The following CTNNAL1 variants were observed in gnomAD, a reference collection of about 807,000 sequenced individuals.
CTNNAL1 encodes alpha-catulin.
In CTNNAL1, 69 loss-of-function variants were observed where a neutral mutation model predicts 93.6. The ratio of observed to expected loss-of-function variants is 0.74; its 90% CI spans 0.61 to 0.90. CTNNAL1 has a LOEUF of 0.90. Ranked by LOEUF, CTNNAL1 falls within the 40% of genes least tolerant of loss-of-function variation. The probability of loss-of-function intolerance (pLI) is 0.00; values close to 1 mark genes in which losing one functional copy is unlikely to be tolerated. For missense variants in CTNNAL1, 836 were observed against 862.0 expected (o/e 0.97, Z 0.38); for synonymous variants, 286 against 305.4 (o/e 0.94, Z 0.66).
Position 108,948,206 on chromosome 9 carries a change from C to T in CTNNAL1, c.1864G>A (p.Asp622Asn). ...RGEGPLKTSQ[D>N]LIHQLEVFAA... Reference sequence around the variant, plus strand: ...CATACCTCTAGTTGATGAATTAAATCCTGGGAAGTTTTCAGTGGCCCCTCT... The same window carrying T: ...CATACCTCTAGTTGATGAATTAAATTCTGGGAAGTTTTCAGTGGCCCCTCT... The change falls in exon 15 of 19, where the codon GAT becomes AAT. Residue 622 changes from aspartate to asparagine, a missense_variant. Coordinates refer to ENST00000325551, the MANE Select transcript of CTNNAL1 (RefSeq NM_003798.4). 2 of 1,611,926 alleles carry T rather than the reference C, an allele frequency of 1.2e-6. No individual in the cohort carries two copies. The highest frequency in any genetic ancestry group is 1.7e-6 in the Non-Finnish European group (2 of 1,179,426).
Position 108,984,390 on chromosome 9 carries a change from G to GC in CTNNAL1, c.685dup (p.Ala229GlyfsTer4). 1 of 1,612,206 alleles carries GC rather than the reference G, an allele frequency of 6.2e-7. No individual in the cohort carries two copies. ...CATCATTGTACACTTTTCAAGAACT[G>GC]CCCTAGCTGCTGCCATTTTTGCCTT... On this transcript the variant is annotated frameshift_variant, in exon 5 of 19. Coordinates refer to ENST00000325551, the MANE Select transcript of CTNNAL1 (RefSeq NM_003798.4). LOFTEE classifies it high-confidence loss of function.
chr9:108,991,886 G>T, intron 3 of CTNNAL1: 1 of 591,570 alleles, frequency 1.7e-6, no homozygotes. Flanking sequence ...ATTCCCAGAT[G>T]ATCATGGAGC....
In CTNNAL1 at chr9:108,952,652, TAGTA is replaced by T. The variant is rs1308569598; in HGVS notation, c.1630-162_1630-159del. 4.6e-5 allele frequency among the ~76,000 whole-genome samples: 7 copies of T among 152,342 alleles called. No homozygotes were observed. In the East Asian group the frequency reaches 1.3e-3, roughly 29 times the overall value. ...ATTTTACCAATTGCAAGTACTCTAC[TAGTA>T]AGTGAGTTCAGCTTTGAATAGGTTG... On this transcript the variant is annotated intron_variant, in intron 12 of 18. Coordinates refer to ENST00000325551, the MANE Select transcript of CTNNAL1 (RefSeq NM_003798.4).
At chr9:108,979,590 C>T (rs1246270435) in intron 6 of CTNNAL1, 109 bp from the exon 7 acceptor site, 3 of 1,025,412 alleles carry the variant, frequency 2.9e-6, no homozygotes, top group Non-Finnish European at 4.3e-6. Flanking sequence ...ATTTCCTTTT[C>T]CCAAGCTGAG....
chr9:108,961,922 A>C (rs2132112870), intron 11 of CTNNAL1, among the ~76,000 whole-genome samples: 1 of 152,298 alleles, frequency 6.6e-6, no homozygotes, highest in Non-Finnish European at 1.5e-5. Context: ...TTTCTGAAAT[A>C]GCTTTGGGAG....
At chr9:109,004,844 T>C (rs1010572048) in intron 1 of CTNNAL1, among the ~76,000 whole-genome samples, 1 of 152,076 alleles carries the variant, frequency 6.6e-6, no homozygotes, top group African/African-American at 2.4e-5. Flanking sequence ...ATGAAAGCAT[T>C]ATGTTTAACA....
In CTNNAL1 at chr9:108,979,294, A is replaced by G. The variant is rs762219706; in HGVS notation, c.1088T>C (p.Val363Ala). The part of the protein sequence containing the change: ...ARMELQQLIS[V>A]WIQAQSKKTK... ...AAAAGTTCTTACAGCTTGAATCCAC[A>G]CAGAAATTAACTGCTGCAGTTCCAT... Residue 363 changes from valine to alanine, a missense_variant, in exon 7 of 19, where the codon GTG (valine) becomes GCG (alanine). Physicochemically the swap from Val to Ala is moderately conservative, Grantham distance 64. Coordinates refer to ENST00000325551, the MANE Select transcript of CTNNAL1 (RefSeq NM_003798.4). 6.8e-6 allele frequency: 11 copies of G among 1,614,118 alleles called. No homozygotes were observed. The highest frequency in any genetic ancestry group is 9.3e-6 in the Non-Finnish European group (11 of 1,180,012).
At chr9:108,955,936 T>C in intron 11 of CTNNAL1, 109 bp from the exon 12 acceptor site, 4 of 645,890 alleles carry the variant, frequency 6.2e-6, no homozygotes, top group Non-Finnish European at 1.0e-5. Context: ...GTTAGTACAT[T>C]AGTTTTGATA....
chr9:108,978,243 C>T (rs989046767), intron 7 of CTNNAL1, among the ~76,000 whole-genome samples: 4 of 152,212 alleles, frequency 2.6e-5, no homozygotes, highest in African/African-American at 7.2e-5. Flanking sequence ...CAAAACATTG[C>T]TCAAGTCTCT....
In CTNNAL1 at chr9:108,974,678, A is replaced by G. The variant is rs558322726; in HGVS notation, c.1189-1845T>C. Among the ~76,000 whole-genome samples, 3 of 152,300 alleles carry G rather than the reference A, an allele frequency of 2.0e-5. No homozygotes were observed. The South Asian group carries it at 6.2e-4, about 32-fold the overall frequency. On this transcript the variant is annotated intron_variant, in intron 8 of 18. Transcript: ENST00000325551. ...TAGTGAGACCCTATCTCTACAAAAA[A>G]TTAGCCAGACATGGTGGCATGCACC...
intron 1 of CTNNAL1, among the ~76,000 whole-genome samples, chr9:109,009,123 T>A (rs1827132599): frequency 6.6e-6 from 1 of 152,026 alleles, no homozygotes; most frequent in Non-Finnish European, 1.5e-5. Flanking sequence ...CTCAAAATCC[T>A]GGACTCAAAT....
chr9:108,946,088 C>G (rs1317581641), intron 15 of CTNNAL1, among the ~76,000 whole-genome samples: 1 of 152,016 alleles, frequency 6.6e-6, no homozygotes, highest in African/African-American at 2.4e-5. Flanking sequence ...ATCACAAGGT[C>G]AAGAGATCGA....
At chr9:108,948,906 G>A (rs28361174) in intron 14 of CTNNAL1, among the ~76,000 whole-genome samples, 1 of 152,064 alleles carries the variant, frequency 6.6e-6, no homozygotes, top group African/African-American at 2.4e-5. Context: ...CTGCCACTTA[G>A]GAGATGTGAA....
chr9:108,971,869 A>G (rs1371536020), intron 9 of CTNNAL1, among the ~76,000 whole-genome samples: 1 of 152,232 alleles, frequency 6.6e-6, no homozygotes, highest in Non-Finnish European at 1.5e-5. Flanking sequence ...GTGAAGCATC[A>G]GTAACTCATA....
intron 1 of CTNNAL1, among the ~76,000 whole-genome samples, chr9:109,004,790 A>AAAATAAATAAAT (rs905373905): frequency 1.3e-5 from 2 of 152,088 alleles, no homozygotes; most frequent in South Asian, 4.2e-4. Context: ...TGTCTTGAAA[A>AAAATAAATAAAT]AAATAAATAA....
intron 15 of CTNNAL1, among the ~76,000 whole-genome samples, chr9:108,945,648 G>GT (rs1395479742): frequency 2.7e-4 from 38 of 142,268 alleles, no homozygotes; most frequent in African/African-American, 1.0e-3. Flanking sequence ...TTTTTGTTTT[G>GT]TTTTTTTGTA....
intron 14 of CTNNAL1, among the ~76,000 whole-genome samples, chr9:108,949,852 T>TA: frequency 7.5e-6 from 1 of 133,540 alleles, no homozygotes; most frequent in East Asian, 2.2e-4. Context: ...TCAAAAAAAA[T>TA]AAAAAATAAA....
At chr9:108,994,755 T>C (rs1157242218) in intron 2 of CTNNAL1, among the ~76,000 whole-genome samples, 1 of 152,114 alleles carries the variant, frequency 6.6e-6, no homozygotes, top group Non-Finnish European at 1.5e-5. Context: ...GTTGGTATGG[T>C]GGAAGTGGTG....
At chr9:109,006,603 T>G (rs2132218563) in intron 1 of CTNNAL1, among the ~76,000 whole-genome samples, 1 of 152,316 alleles carries the variant, frequency 6.6e-6, no homozygotes, top group Non-Finnish European at 1.5e-5. Context: ...GAGTCATAAC[T>G]TGGAGTTGCC....
Sources: allele counts gnomAD v4.1 joint callset (sites outside exome capture counted in the v4.1 genomes callset), GRCh38; gene constraint gnomAD v4.1.1; transcripts MANE v1.5; gene names NCBI Gene and HGNC (gene_info 2026-07-23, HGNC 2026-07-21).